The following DUSP4 variants were observed in gnomAD, a reference collection of about 807,000 sequenced individuals.
DUSP4 encodes the protein dual specificity protein phosphatase 4.
Under a neutral mutation model 27.2 loss-of-function variants are expected in DUSP4, and 12 were observed. The observed-to-expected ratio is 0.44, with a 90% CI of 0.28 to 0.71. The LOEUF (loss-of-function observed/expected upper bound fraction) is 0.71. DUSP4 is among the 30% of genes least tolerant of loss of function. The pLI, the probability that DUSP4 is intolerant of heterozygous loss-of-function variation, is 0.14. For synonymous variants in DUSP4, 257 were observed against 245.2 expected (o/e 1.05, Z -0.45); for missense variants, 448 against 551.3 (o/e 0.81, Z 1.88).
intron 1 of DUSP4, among the ~76,000 whole-genome samples, chr8:29,341,074 G>A (rs1223948220): frequency 6.6e-6 from 1 of 152,194 alleles, no homozygotes; most frequent in African/African-American, 2.4e-5. Context: ...CCCTATCTCT[G>A]GCTTTCTTGT....
rs942302720 is a variant in DUSP4, at chr8:29,350,549, T to C, written c.-271A>G. 1.3e-4 allele frequency: 59 copies of C among 460,018 alleles called. No individual in the cohort carries two copies. Among genetic ancestry groups the C allele is most frequent in the African/African-American group, 9.6e-4 (47 of 49,002 alleles). The allele number at this position is 460,018 out of a possible 1,614,324, so 28.5% of individuals were successfully genotyped here. ...GAGGCGCCGGTGGAGGAGAGTGTGT[T>C]TACGAGAGAGGACCGCGGACTCTTT... On this transcript the variant is annotated 5_prime_UTR_variant, in exon 1 of 4. Coordinates refer to ENST00000240100, the MANE Select transcript of DUSP4 (RefSeq NM_001394.7).
In DUSP4 at chr8:29,337,238, C is replaced by G; in HGVS notation, c.973G>C (p.Gly325Arg). 1 of 1,613,776 alleles carries G rather than the reference C, an allele frequency of 6.2e-7. No individual in the cohort carries two copies. Among genetic ancestry groups the G allele is most frequent in the Non-Finnish European group, 8.5e-7 (1 of 1,179,982 alleles). ...SIISPNFSFM[G>R]QLLQFESQVL... ...TGGGACTCGAACTGCAGCAGCTGCC[C>G]CATGAAGCTGAAGTTGGGCGAGATG... is the stretch of plus-strand genomic sequence containing the variant. Residue 325 changes from glycine (G) to arginine (R), a missense_variant, in exon 4 of 4, where the codon GGG becomes CGG. Around this residue, in one of 3 missense-constraint regions of DUSP4, gnomAD observed 100 missense variants for 139.8 expected, o/e 0.72. Coordinates refer to ENST00000240100, the MANE Select transcript of DUSP4 (RefSeq NM_001394.7). The surrounding 1 kb of genome is among the most constrained non-coding windows in gnomAD (Gnocchi z 6.4).
chr8:29,341,834 T>A (rs1587047542), intron 1 of DUSP4, among the ~76,000 whole-genome samples: 1 of 152,220 alleles, frequency 6.6e-6, no homozygotes, highest in Non-Finnish European at 1.5e-5. Context: ...GAAACTTCAG[T>A]CCATGCTCCC....
chr8:29,345,242 G>A, intron 1 of DUSP4: 1 of 1,137,520 alleles, frequency 8.8e-7, no homozygotes. Flanking sequence ...TCATGCTCTT[G>A]CAAGAAAGTC....
intron 1 of DUSP4, among the ~76,000 whole-genome samples, chr8:29,347,307 A>AGCAGATACT (rs755343897): frequency 7.9e-5 from 12 of 152,260 alleles, no homozygotes; most frequent in Non-Finnish European, 1.8e-4. Context: ...GAGCTGTGGG[A>AGCAGATACT]GCAGATACTG....
rs1750747585 is a variant in DUSP4 at position 29,335,642 on chromosome 8, C to T, written c.*1384G>A. 6.6e-6 allele frequency: 1 copy of T among 152,140 alleles called. No homozygotes were observed. Among genetic ancestry groups the T allele is most frequent in the South Asian group, 2.1e-4 (1 of 4,824 alleles). 9.4% of individuals were successfully genotyped at this position (152,140 alleles called of 1,614,324 possible). The stretch of plus-strand genomic sequence containing the variant: ...GTAACTGCCCTAAAATTAAAACCTC[C>T]AATTTATGCAAAAAAAGAAAAGATG... On this transcript the variant is annotated 3_prime_UTR_variant, in exon 4 of 4. Coordinates refer to ENST00000240100, the MANE Select transcript of DUSP4 (RefSeq NM_001394.7).
intron 2 of DUSP4, among the ~76,000 whole-genome samples, chr8:29,339,704 G>T (rs6995828): frequency 0.13 from 19,093 of 151,966 alleles, 2,313 homozygotes; most frequent in African/African-American, 0.32. Flanking sequence ...AACATTCAAA[G>T]ACTTAAAAAA....
At chr8:29,342,829 A>T (rs1324423217) in intron 1 of DUSP4, among the ~76,000 whole-genome samples, 1 of 152,226 alleles carries the variant, frequency 6.6e-6, no homozygotes, top group East Asian at 1.9e-4. Flanking sequence ...AAATGATTAC[A>T]GAAAAGTCAG....
Position 29,350,430 on chromosome 8 carries a change from T to C in DUSP4, c.-152A>G. 1 of 888,504 alleles carries C rather than the reference T, an allele frequency of 1.1e-6. No homozygotes were observed. Among genetic ancestry groups the C allele is most frequent in the Non-Finnish European group, 1.6e-6 (1 of 606,272 alleles). 55.0% of individuals were successfully genotyped at this position (888,504 alleles called of 1,614,324 possible). On this transcript the variant is annotated 5_prime_UTR_variant, in exon 1 of 4. Transcript: ENST00000240100. ...TCAAGGGCTCCCGCGGGAGAGCCTC[T>C]TCTTCCCTGTCCCCTTCCTCCCGCA...
chr8:29,349,765 C>G, intron 1 of DUSP4, 81 bp downstream of exon 1: 2 of 1,407,242 alleles, frequency 1.4e-6, no homozygotes, highest in South Asian at 3.2e-5. Flanking sequence ...CCGGGGACTC[C>G]TTCCCGTGCC....
Position 29,350,299 on chromosome 8 carries a change from G to A in DUSP4, c.-21C>T, listed in dbSNP as rs762982368. ...ACCATGGTCGCCGGGAACCGAGGCG[G>A]CTGGGCGCGCGAGGAAGAGAAGAGA... On this transcript the variant is annotated 5_prime_UTR_variant, in exon 1 of 4. Coordinates refer to ENST00000240100, the MANE Select transcript of DUSP4 (RefSeq NM_001394.7). 1 of 1,551,552 alleles carries A rather than the reference G, an allele frequency of 6.4e-7. No individual in the cohort carries two copies. Among genetic ancestry groups the A allele is most frequent in the East Asian group, 2.3e-5 (1 of 44,028 alleles).
chr8:29,338,509 G>A lies in DUSP4; in HGVS notation c.580-8C>T. 1 of 1,611,534 alleles carries A rather than the reference G, an allele frequency of 6.2e-7. No homozygotes were observed. The highest frequency in any genetic ancestry group is 8.5e-7 in the Non-Finnish European group (1 of 1,179,286). ...GATCTCCACAGGACCCCCCTGCACA[G>A]AAAGGGAAACAAAGGCCCCTGAATG... On this transcript the variant is annotated splice_region_variant and splice_polypyrimidine_tract_variant and intron_variant, in intron 2 of 3. Transcript: ENST00000240100.
rs1423548783 is a variant in DUSP4, at chr8:29,350,544, T to C, written c.-266A>G. 2 of 498,414 alleles carry C rather than the reference T, an allele frequency of 4.0e-6. No homozygotes were observed. Among genetic ancestry groups the C allele is most frequent in the South Asian group, 3.1e-5 (1 of 31,788 alleles). 30.9% of individuals were successfully genotyped at this position (498,414 alleles called of 1,614,324 possible). A position where few individuals can be genotyped will look rare whatever the true frequency, so the allele number is the denominator to read the frequency against. ...AGGGGGAGGCGCCGGTGGAGGAGAGTGTGTTTACGAGAGAGGACCGCGGAC... is the reference window on the plus strand; with the variant it reads ...AGGGGGAGGCGCCGGTGGAGGAGAGCGTGTTTACGAGAGAGGACCGCGGAC... On this transcript the variant is annotated 5_prime_UTR_variant, in exon 1 of 4. Transcript: ENST00000240100.
rs1377811807 is a variant in DUSP4 at position 29,337,491 on chromosome 8, TC to T, written c.800-81del. On this transcript the variant is annotated intron_variant, in intron 3 of 3. Coordinates refer to ENST00000240100, the MANE Select transcript of DUSP4 (RefSeq NM_001394.7). This position sits in a 1 kb window ranked among gnomAD's most constrained non-coding sequence, Gnocchi z 6.4. ...CAGGGGCACCGGCCAGCCCCTGGGG[TC>T]GGGGGGCTCTGAAGGAAGGACTAGC... 4.7e-6 allele frequency: 7 copies of T among 1,505,064 alleles called. No individual in the cohort carries two copies. In the African/African-American group the frequency reaches 9.7e-5, roughly 21 times the overall value. The allele number at this position is 1,505,064 out of a possible 1,614,324, so 93.2% of individuals were successfully genotyped here.
chr8:29,350,161 G>A lies in DUSP4; in HGVS notation c.118C>T (p.Pro40Ser). ...GSGSHGTLGL[P>S]SGGKCLLLDC... ...AGCAGCAGGCACTTGCCGCCGCTCG[G>A]CAGCCCCAGGGTGCCGTGGCTGCCG... The change falls in exon 1 of 4, where the codon CCG (proline) becomes TCG (serine). Residue 40 changes from proline to serine, a missense_variant. Coordinates refer to ENST00000240100, the MANE Select transcript of DUSP4 (RefSeq NM_001394.7). 2.5e-6 allele frequency: 4 copies of A among 1,609,666 alleles called. No individual in the cohort carries two copies. The highest frequency in any genetic ancestry group is 2.5e-6 in the Non-Finnish European group (3 of 1,179,366).
intron 2 of DUSP4, 82 bp downstream of exon 2, chr8:29,340,016 G>GTCAGA: frequency 6.7e-7 from 1 of 1,489,514 alleles, no homozygotes; most frequent in East Asian, 2.5e-5. Context: ...AAAAAACACC[G>GTCAGA]TCAGAACTCT....
At chr8:29,349,415 T>G (rs1817788115) in intron 1 of DUSP4, among the ~76,000 whole-genome samples, 1 of 152,198 alleles carries the variant, frequency 6.6e-6, no homozygotes, top group East Asian at 1.9e-4. Context: ...CTCTTCACCT[T>G]TTCTCCACCT....
At chr8:29,348,432 G>T in intron 1 of DUSP4, 5 of 985,140 alleles carry the variant, frequency 5.1e-6, no homozygotes, top group Non-Finnish European at 6.0e-6. Context: ...AGAAGGGAGG[G>T]GGACTGGGCT....
At chr8:29,349,240 G>A (rs1817785767) in intron 1 of DUSP4, among the ~76,000 whole-genome samples, 1 of 152,242 alleles carries the variant, frequency 6.6e-6, no homozygotes, top group Admixed American at 6.5e-5. Context: ...GATCTAGCCC[G>A]GGACGGGGAT....
Sources: gnomAD v4.1 joint callset for allele counts (sites outside exome capture counted in the v4.1 genomes callset) on GRCh38, gnomAD v4.1.1 for gene constraint, gnomAD v4.1.1 regional missense constraint, Gnocchi (gnomAD v3.1) non-coding constraint, MANE v1.5 for transcripts, NCBI Gene and HGNC (gene_info 2026-07-23, HGNC 2026-07-21) for gene names.